Variants in SLC44A5 observed in about 807,000 individuals in gnomAD.
The protein encoded by SLC44A5 is choline transporter-like protein 5.
SLC44A5 carries 57 observed loss-of-function variants against 101.8 expected under a neutral mutation model. The observed-to-expected ratio is 0.56, with a 90% confidence interval of 0.45 to 0.70. SLC44A5 has a LOEUF of 0.70. Ranked by LOEUF, SLC44A5 falls within the 30% of genes least tolerant of loss-of-function variation. The pLI is 0.00. For missense variants in SLC44A5, 737 were observed against 853.1 expected, an observed-to-expected ratio of 0.86 and a Z score of 1.70; for synonymous variants, 281 against 290.9, an observed-to-expected ratio of 0.97 and a Z score of 0.35.
At chr1:75,659,795 C>T in the SLC44A5 span, among the ~76,000 whole-genome samples, 2 of 151,818 alleles carry the variant, frequency 1.3e-5, no homozygotes, top group Non-Finnish European at 2.9e-5. Flanking sequence ...ACCAATAATT[C>T]CGATGAACAT....
At chr1:75,720,998 C>T in the SLC44A5 span, among the ~76,000 whole-genome samples, 2 of 151,990 alleles carry the variant, frequency 1.3e-5, no homozygotes, top group Non-Finnish European at 2.9e-5. Context: ...TTGTGGAGAC[C>T]AAAGTTCTTA....
Position 75,500,472 on chromosome 1 carries a change from C to T in SLC44A5, c.13+40963G>A, listed in dbSNP as rs973977062. On this transcript the variant is annotated intron_variant, in intron 2 of 23. Transcript: ENST00000370859. The stretch of plus-strand genomic sequence containing the variant: ...CTTCTGCCAGTACACCCTTGGAAGC[C>T]ATATGTTTAAAATGGAGGCTCCATA... Among the ~76,000 whole-genome samples the T allele has an allele frequency of 5.3e-5, 8 of 152,130 alleles. No individual in the cohort carries two copies. In the East Asian group the frequency reaches 1.2e-3, roughly 22 times the overall value.
rs114745247 is a variant in SLC44A5 at position 75,373,464 on chromosome 1, G to C, written c.52+23119C>G. ...GAATTGGCAGGAGGAACTTCTTAGA[G>C]ACCAGACAGAGGCAGAGATTGAACC... On this transcript the variant is annotated intron_variant, in intron 3 of 23. Transcript: ENST00000370859. Among the ~76,000 whole-genome samples the C allele has an allele frequency of 6.1e-3, 930 of 152,296 alleles. 17 individuals are homozygous for C. Among genetic ancestry groups the C allele is most frequent in the African/African-American group, 0.021 (879 of 41,550 alleles).
At chr1:75,229,128 A>C (rs1316278513) in intron 12 of SLC44A5, among the ~76,000 whole-genome samples, 1 of 152,000 alleles carries the variant, frequency 6.6e-6, no homozygotes, top group African/African-American at 2.4e-5. Flanking sequence ...ATCAGGAAAT[A>C]CAGCTATTAT....
chr1:75,363,419 C>T (rs899634726), intron 3 of SLC44A5, among the ~76,000 whole-genome samples: 2 of 151,732 alleles, frequency 1.3e-5, no homozygotes, highest in African/African-American at 2.4e-5. Context: ...TGGTGGTATG[C>T]TTTGAATCTT....
intron 2 of SLC44A5, among the ~76,000 whole-genome samples, chr1:75,531,359 G>C (rs1670710676): frequency 6.6e-6 from 1 of 152,160 alleles, no homozygotes; most frequent in African/African-American, 2.4e-5. Context: ...AGATCTCAGA[G>C]AACTGGTATC....
intron 5 of SLC44A5, among the ~76,000 whole-genome samples, chr1:75,278,411 A>G (rs1018892131): frequency 2.6e-5 from 4 of 152,078 alleles, no homozygotes; most frequent in Admixed American, 1.3e-4. Context: ...GAGTGCCATA[A>G]CATCACCAGT....
At chr1:75,528,400 T>C (rs955705183) in intron 2 of SLC44A5, among the ~76,000 whole-genome samples, 8 of 152,198 alleles carry the variant, frequency 5.3e-5, no homozygotes, top group African/African-American at 1.9e-4. Flanking sequence ...AAATATAATA[T>C]GGGAAACATT....
At chr1:75,342,868 C>T (rs1037384541) in intron 3 of SLC44A5, among the ~76,000 whole-genome samples, 11 of 152,072 alleles carry the variant, frequency 7.2e-5, no homozygotes, top group Admixed American at 4.6e-4. Context: ...TGAAAATACA[C>T]CAAAACCAGT....
At chr1:75,572,660 T>C (rs1384977400) in intron 1 of SLC44A5, among the ~76,000 whole-genome samples, 1 of 151,878 alleles carries the variant, frequency 6.6e-6, no homozygotes, top group Non-Finnish European at 1.5e-5. Flanking sequence ...AAGTGGAGAG[T>C]TCAGAGGTAC....
At chr1:75,383,256 C>G (rs1661029140) in intron 3 of SLC44A5, among the ~76,000 whole-genome samples, 2 of 125,734 alleles carry the variant, frequency 1.6e-5, no homozygotes, top group South Asian at 6.3e-4. Flanking sequence ...ACACATCCCC[C>G]TCTTCGAGAA....
chr1:75,351,836 C>CAA (rs1658683694), intron 3 of SLC44A5, among the ~76,000 whole-genome samples: 1 of 3,006 alleles, frequency 3.3e-4, no homozygotes, highest in Admixed American at 5.1e-3. Context: ...TAATGAATAA[C>CAA]ACACTTTACC....
At chr1:75,259,454 A>G (rs185643052) in intron 6 of SLC44A5, among the ~76,000 whole-genome samples, 45 of 152,318 alleles carry the variant, frequency 3.0e-4, no homozygotes, top group African/African-American at 8.2e-4. Flanking sequence ...ACTCAATGAA[A>G]TAAAGTGAGA....
the SLC44A5 span, among the ~76,000 whole-genome samples, chr1:75,642,428 G>T: frequency 6.6e-6 from 1 of 152,056 alleles, no homozygotes. Flanking sequence ...GCCCATTCAG[G>T]TCTAGGTTTC....
At chr1:75,579,547 C>A (rs1673562994) in intron 1 of SLC44A5, among the ~76,000 whole-genome samples, 1 of 152,170 alleles carries the variant, frequency 6.6e-6, no homozygotes, top group Admixed American at 6.6e-5. Flanking sequence ...CACTTCCCTA[C>A]ACTAATATAT....
chr1:75,259,229 T>C (rs1230657414), intron 6 of SLC44A5, among the ~76,000 whole-genome samples: 1 of 152,148 alleles, frequency 6.6e-6, no homozygotes, highest in Non-Finnish European at 1.5e-5. Flanking sequence ...GACAAACTCC[T>C]CTGAGCTAAA....
intron 3 of SLC44A5, among the ~76,000 whole-genome samples, chr1:75,388,112 G>T (rs1661508747): frequency 7.1e-6 from 1 of 140,020 alleles, no homozygotes; most frequent in Non-Finnish European, 1.5e-5. Context: ...CCTAATGCTA[G>T]ATGACGAGTT....
intron 2 of SLC44A5, among the ~76,000 whole-genome samples, chr1:75,460,255 A>G (rs1666423606): frequency 6.6e-6 from 1 of 152,164 alleles, no homozygotes; most frequent in African/African-American, 2.4e-5. Context: ...ATCATTATTA[A>G]AGTACTCTGC....
the SLC44A5 span, among the ~76,000 whole-genome samples, chr1:75,663,700 A>G: frequency 6.6e-6 from 1 of 152,222 alleles, no homozygotes; most frequent in African/African-American, 2.4e-5. Flanking sequence ...TCACAGCTGA[A>G]TACTACCACA....
Sources: allele counts gnomAD v4.1 joint callset (sites outside exome capture counted in the v4.1 genomes callset), GRCh38; gene constraint gnomAD v4.1.1; transcripts MANE v1.5; gene names NCBI Gene and HGNC (gene_info 2026-07-23, HGNC 2026-07-21).